RYR2: variants seen among roughly 807,000 people sequenced by gnomAD.
RYR2 encodes cardiac muscle ryanodine receptor-calcium release channel.
In RYR2, 227 loss-of-function variants were observed where a neutral mutation model predicts 601.1. The ratio of observed to expected loss-of-function variants is 0.38; its 90% CI spans 0.34 to 0.42. The LOEUF is 0.42. Among genes scored for constraint, RYR2 ranks in the 10% least tolerant of loss-of-function variants. The pLI is 1.00. For synonymous variants in RYR2, 2,223 were observed against 2,175.1 expected (o/e 1.02, Z -0.61); for missense variants, 4,646 against 6,156.5 (o/e 0.75, Z 8.21).
At chr1:237,094,677 C>T (rs146810500) in intron 1 of RYR2, among the ~76,000 whole-genome samples, 4,631 of 152,270 alleles carry the variant, frequency 0.03, 93 homozygotes, top group East Asian at 0.085. Context: ...CTGCAAGCTC[C>T]ACCTCCTGGG....
At chr1:237,800,880 A>T (rs1321971694) in intron 97 of RYR2, among the ~76,000 whole-genome samples, 4 of 152,200 alleles carry the variant, frequency 2.6e-5, no homozygotes, top group Admixed American at 2.0e-4. Context: ...AGAGAGGCAT[A>T]TAACCACCTA....
In RYR2 at chr1:237,530,587, C is replaced by A. The variant is rs16835358; in HGVS notation, c.2906+77C>A. On this transcript the variant is annotated intron_variant, in intron 25 of 104. Transcript: ENST00000366574. ...AACCAAATAACTCTTGATGGACACACAGATGCCTTGCTTTTACTGAAGCTT... is the reference window on the plus strand; with the variant it reads ...AACCAAATAACTCTTGATGGACACAAAGATGCCTTGCTTTTACTGAAGCTT... 3.6e-3 allele frequency: 3,962 copies of A among 1,099,840 alleles called. 122 individuals are homozygous for A. In the African/African-American group the frequency reaches 0.055, roughly 15 times the overall value. 68.1% of individuals were successfully genotyped at this position (1,099,840 alleles called of 1,614,324 possible).
At chr1:237,597,797 A>G (rs893381694) in intron 34 of RYR2, among the ~76,000 whole-genome samples, 1 of 152,196 alleles carries the variant, frequency 6.6e-6, no homozygotes, top group African/African-American at 2.4e-5. Flanking sequence ...CTAGAAAACA[A>G]CCAACAAAAT....
intron 63 of RYR2, among the ~76,000 whole-genome samples, chr1:237,692,555 C>A (rs1398952072): frequency 6.6e-6 from 1 of 152,162 alleles, no homozygotes; most frequent in African/African-American, 2.4e-5. Context: ...CGTGTCCCAG[C>A]CCAGTCTCTC....
At chr1:237,590,446 C>T (rs778071816) in intron 30 of RYR2, among the ~76,000 whole-genome samples, 194 bp from the exon 31 acceptor site, 7 of 152,062 alleles carry the variant, frequency 4.6e-5, no homozygotes, top group African/African-American at 1.4e-4. Flanking sequence ...TTTCCGAAAC[C>T]GTCTTTAGAA....
intron 80 of RYR2, among the ~76,000 whole-genome samples, chr1:237,752,315 G>T (rs1406931051): frequency 6.6e-6 from 1 of 152,042 alleles, no homozygotes; most frequent in Non-Finnish European, 1.5e-5. Context: ...ACGAAGCCTG[G>T]CTATTTTTAG....
chr1:237,148,515 TAAAA>T (rs372359390), intron 1 of RYR2, among the ~76,000 whole-genome samples: 2,211 of 104,974 alleles, frequency 0.021, 43 homozygotes, highest in Non-Finnish European at 0.024. Context: ...GAACTTCAAG[TAAAA>T]AAAAAAAAAT....
intron 32 of RYR2, among the ~76,000 whole-genome samples, chr1:237,593,088 C>T (rs2779432): frequency 0.4 from 59,905 of 151,114 alleles, 13,299 homozygotes; most frequent in Admixed American, 0.5. Context: ...TGAAGCTTCC[C>T]TATGCTTAAT....
chr1:237,687,586 T>C, intron 63 of RYR2, 82 bp downstream of exon 63: 1 of 1,034,954 alleles, frequency 9.7e-7, no homozygotes, highest in East Asian at 2.5e-5. Context: ...TGTGCTGCTA[T>C]GTTGCATGGA....
chr1:237,781,328 C>T (rs985726916), intron 88 of RYR2, among the ~76,000 whole-genome samples: 1 of 152,202 alleles, frequency 6.6e-6, no homozygotes, highest in Non-Finnish European at 1.5e-5. Context: ...GCTAGGATTA[C>T]AGGCATGAGC....
intron 6 of RYR2, 23 bp from the exon 7 acceptor site, chr1:237,374,694 A>G (rs778758727): frequency 5.7e-6 from 9 of 1,590,866 alleles, no homozygotes; most frequent in Non-Finnish European, 7.7e-6. Flanking sequence ...TCTACTTACA[A>G]CTACTGATTT....
At chr1:237,796,917 T>TGGG (rs1659317918) in intron 96 of RYR2, among the ~76,000 whole-genome samples, 1 of 152,096 alleles carries the variant, frequency 6.6e-6, no homozygotes, top group African/African-American at 2.4e-5. Context: ...CCCAAGTAGC[T>TGGG]GGGATTACAG....
rs528507833 is a variant in RYR2 at position 237,569,727 on chromosome 1, A to G, written c.3598+408A>G. On this transcript the variant is annotated intron_variant, in intron 29 of 104. Coordinates refer to ENST00000366574, the MANE Select transcript of RYR2 (RefSeq NM_001035.3). ...AGGTACTTTGCTGGATGCTGAGGTG[A>G]CAAAGATGAATGAAACACTGTCCTA... Among the ~76,000 whole-genome samples, 10 of 152,308 alleles carry G rather than the reference A, an allele frequency of 6.6e-5. No individual in the cohort carries two copies. In the East Asian group the frequency reaches 1.7e-3, roughly 26 times the overall value.
intron 2 of RYR2, among the ~76,000 whole-genome samples, chr1:237,312,257 CA>C (rs911246561): frequency 6.6e-6 from 1 of 152,164 alleles, no homozygotes; most frequent in Non-Finnish European, 1.5e-5. Context: ...GGTAAGTTCA[CA>C]AAACTAGCTC....
At chr1:237,423,062 A>C (rs769602339) in intron 11 of RYR2, 30 bp from the exon 12 acceptor site, 1 of 1,597,092 alleles carries the variant, frequency 6.3e-7, no homozygotes, top group Non-Finnish European at 8.5e-7. Flanking sequence ...TGTGGGTGCT[A>C]TTGGATCAAG....
rs10925378 is a variant in RYR2, at chr1:237,349,281, A to G, written c.274-6684A>G. On this transcript the variant is annotated intron_variant, in intron 3 of 104. Transcript: ENST00000366574. ...ACACATTAGAAAAAGTTGAATCAGA[A>G]GACAAAGGCATGATATCTTTAATGT... Among the ~76,000 whole-genome samples the G allele has an allele frequency of 9.2e-3, 1,395 of 152,316 alleles. 21 individuals carry two copies. Among genetic ancestry groups the G allele is most frequent in the African/African-American group, 0.031 (1,301 of 41,582 alleles).
chr1:237,210,599 C>G (rs1363558436), intron 1 of RYR2, among the ~76,000 whole-genome samples: 1 of 152,130 alleles, frequency 6.6e-6, no homozygotes, highest in Non-Finnish European at 1.5e-5. Context: ...ATATGCTGGT[C>G]CTATAACCCA....
chr1:237,166,692 C>T (rs57868848), intron 1 of RYR2, among the ~76,000 whole-genome samples: 16,999 of 152,172 alleles, frequency 0.11, 1,101 homozygotes, highest in African/African-American at 0.17. Context: ...GCCTGAATTC[C>T]ATGTTGGCAA....
chr1:237,233,745 C>T (rs1685242921), intron 1 of RYR2, among the ~76,000 whole-genome samples: 1 of 152,152 alleles, frequency 6.6e-6, no homozygotes, highest in Non-Finnish European at 1.5e-5. Context: ...ATCTCTTCCT[C>T]CTGGGTTCAA....
Sources: gnomAD v4.1 joint callset for allele counts (sites outside exome capture counted in the v4.1 genomes callset) on GRCh38, gnomAD v4.1.1 for gene constraint, MANE v1.5 for transcripts, NCBI Gene and HGNC (gene_info 2026-07-23, HGNC 2026-07-21) for gene names.